The following PPFIBP2 variants were observed in gnomAD, a reference collection of about 807,000 sequenced individuals.
PPFIBP2 encodes liprin-beta-2.
Under a neutral mutation model 118.3 loss-of-function variants are expected in PPFIBP2, and 118 were observed. The ratio of observed to expected loss-of-function variants is 1.00; its 90% CI spans 0.86 to 1.16. The LOEUF is 1.16. PPFIBP2 is among the 50% of genes most tolerant of loss of function. The pLI is 0.00. For synonymous variants in PPFIBP2, 414 were observed against 397.4 expected (o/e 1.04, Z -0.50); for missense variants, 1,195 against 1,073.1 (o/e 1.11, Z -1.59).
intron 17 of PPFIBP2, among the ~76,000 whole-genome samples, chr11:7,645,026 C>CAAAAA (rs57087700): frequency 6.1e-5 from 5 of 81,822 alleles, no homozygotes; most frequent in Non-Finnish European, 8.3e-5. Context: ...GACTCCGTCT[C>CAAAAA]AAAAAAAAAA....
intron 8 of PPFIBP2, 34 bp downstream of exon 8, chr11:7,625,925 C>T (rs951481151): frequency 5.2e-6 from 8 of 1,527,500 alleles, no homozygotes; most frequent in Non-Finnish European, 7.2e-6. Flanking sequence ...ATGCAGTTGT[C>T]TGGGTCCCTG....
intron 1 of PPFIBP2, among the ~76,000 whole-genome samples, chr11:7,544,389 G>A (rs573186942): frequency 4.6e-5 from 7 of 152,206 alleles, no homozygotes; most frequent in South Asian, 4.1e-4. Context: ...GGTGCCCCTC[G>A]TACAGTCCCC....
At chr11:7,575,335 A>G (rs1276400278) in intron 3 of PPFIBP2, among the ~76,000 whole-genome samples, 1 of 152,186 alleles carries the variant, frequency 6.6e-6, no homozygotes, top group Non-Finnish European at 1.5e-5. Flanking sequence ...AGAGAGGGGA[A>G]TTTAGGTGCT....
rs1430345483 is a variant in PPFIBP2 at position 7,618,272 on chromosome 11, A to T, written c.619-2663A>T. ...TTGAGAGGGTGTTGGCGCATGACCT[A>T]TGTTGAGTAGGTTACTCCAGCAAGA... On this transcript the variant is annotated intron_variant, in intron 6 of 23. Transcript: ENST00000299492. Among the ~76,000 whole-genome samples, 5 of 152,224 alleles carry T rather than the reference A, an allele frequency of 3.3e-5. No homozygotes were observed. In the East Asian group the frequency reaches 9.6e-4, roughly 29 times the overall value.
chr11:7,661,814 T>C (rs948266219), downstream of PPFIBP2, among the ~76,000 whole-genome samples: 1 of 95,884 alleles, frequency 1.0e-5, no homozygotes, highest in African/African-American at 3.4e-5. Context: ...GGACTTGCTT[T>C]ATGAATCTGG....
intron 1 of PPFIBP2, among the ~76,000 whole-genome samples, chr11:7,529,512 C>A (rs149426849): frequency 1.3e-5 from 2 of 152,274 alleles, no homozygotes; most frequent in East Asian, 3.9e-4. Flanking sequence ...GCTCAGCCAT[C>A]TTCTCTCAAG....
chr11:7,559,853 C>T (rs1298886897), intron 2 of PPFIBP2, among the ~76,000 whole-genome samples: 1 of 152,176 alleles, frequency 6.6e-6, no homozygotes, highest in African/African-American at 2.4e-5. Flanking sequence ...GAATTAATTT[C>T]ACTGTTGAGT....
chr11:7,652,888 G>A (rs1308945155), intron 23 of PPFIBP2, 136 bp from the exon 24 acceptor site: 3 of 1,051,794 alleles, frequency 2.9e-6, no homozygotes, highest in Non-Finnish European at 4.1e-6. Flanking sequence ...GCTCTGTTTT[G>A]TTCAGAGTCT....
At chr11:7,562,127 C>G (rs551378621) in intron 2 of PPFIBP2, among the ~76,000 whole-genome samples, 1 of 152,220 alleles carries the variant, frequency 6.6e-6, no homozygotes, top group African/African-American at 2.4e-5. Flanking sequence ...AGTGATCTGA[C>G]AGGAGGCGGA....
In PPFIBP2 at chr11:7,565,700, C is replaced by A. The variant is rs767070402; in HGVS notation, c.212C>A (p.Ala71Glu). Residue 71 changes from alanine (A) to glutamate (E), a missense_variant, in exon 3 of 24, where the codon GCA becomes GAA. By Grantham distance (107) the Ala-to-Glu change is moderately radical. Coordinates refer to ENST00000299492, the MANE Select transcript of PPFIBP2 (RefSeq NM_003621.5). Reference protein sequence around the residue: ...LEMLELPQERAALLSQIPGPT... With the variant: ...LEMLELPQEREALLSQIPGPT... ...ATGCTGGAGCTTCCTCAGGAGAGAG[C>A]AGCCCTCCTGAGCCAGATCCCTGGC... The A allele has an allele frequency of 6.2e-7, 1 of 1,614,056 alleles. No homozygotes were observed. Among genetic ancestry groups the A allele is most frequent in the African/African-American group, 1.3e-5 (1 of 74,936 alleles).
chr11:7,553,753 G>T (rs1331590987), intron 2 of PPFIBP2, among the ~76,000 whole-genome samples: 1 of 152,154 alleles, frequency 6.6e-6, no homozygotes. Context: ...TTGTTTTATT[G>T]ATATTAGTAT....
chr11:7,562,940 TATATATATA>T (rs1854483227), intron 2 of PPFIBP2, among the ~76,000 whole-genome samples: 1 of 74,178 alleles, frequency 1.3e-5, no homozygotes, highest in African/African-American at 6.5e-5. Context: ...TATATATATA[TATATATATA>T]TATATATATA....
Position 7,625,612 on chromosome 11 carries a change from G to C in PPFIBP2, c.712-165G>C, listed in dbSNP as rs373557420. Among the ~76,000 whole-genome samples, 36 of 152,368 alleles carry C rather than the reference G, an allele frequency of 2.4e-4. No homozygotes were observed. The South Asian group carries it at 6.8e-3, about 29-fold the overall frequency. On this transcript the variant is annotated intron_variant, in intron 7 of 23. Transcript: ENST00000299492. ...CCTAGAAGAGTGAGTTCACTCAGCA[G>C]AGTTCCACCTGTGGAGAGGGCAGTG...
chr11:7,613,390 C>T (rs1181362001), intron 6 of PPFIBP2, among the ~76,000 whole-genome samples: 2 of 152,162 alleles, frequency 1.3e-5, no homozygotes, highest in East Asian at 3.9e-4. Context: ...TCTGTAAGAC[C>T]TAGGGACTTG....
chr11:7,593,681 C>T (rs867943349), intron 4 of PPFIBP2, among the ~76,000 whole-genome samples: 2 of 152,266 alleles, frequency 1.3e-5, no homozygotes, highest in Middle Eastern at 3.4e-3. Flanking sequence ...TAGACTGATC[C>T]CTTTAATGCC....
chr11:7,623,835 T>G (rs1448548788), intron 7 of PPFIBP2, among the ~76,000 whole-genome samples: 1 of 152,036 alleles, frequency 6.6e-6, no homozygotes, highest in East Asian at 1.9e-4. Flanking sequence ...GAAATGGAGG[T>G]TGAGAGTCCC....
chr11:7,600,035 G>A (rs923709886), intron 5 of PPFIBP2, among the ~76,000 whole-genome samples: 2 of 151,996 alleles, frequency 1.3e-5, no homozygotes, highest in Non-Finnish European at 2.9e-5. Flanking sequence ...TGCCATAGAG[G>A]GTAGATGTCT....
chr11:7,656,885 T>TGG (rs1854739695), downstream of PPFIBP2: 8 of 1,011,294 alleles, frequency 7.9e-6, no homozygotes, highest in South Asian at 1.1e-4. Flanking sequence ...CAGCCCCCTC[T>TGG]GCAAGCCCAG....
At chr11:7,649,114 A>C (rs1853583166) in intron 19 of PPFIBP2, 33 bp from the exon 20 acceptor site, 1 of 1,589,028 alleles carries the variant, frequency 6.3e-7, no homozygotes, top group Non-Finnish European at 8.6e-7. Flanking sequence ...ATTCTCATGA[A>C]TCCTGACACA....
Sources: gnomAD v4.1 joint callset for allele counts (sites outside exome capture counted in the v4.1 genomes callset) on GRCh38, gnomAD v4.1.1 for gene constraint, MANE v1.5 for transcripts, NCBI Gene and HGNC (gene_info 2026-07-23, HGNC 2026-07-21) for gene names.